The following LRP1B variants were observed in gnomAD, a reference collection of about 807,000 sequenced individuals.
LRP1B encodes LDL receptor related protein 1B.
In LRP1B, 217 loss-of-function variants were observed where a neutral mutation model predicts 556.6. The ratio of observed to expected loss-of-function variants is 0.39; its 90% CI spans 0.35 to 0.44. LRP1B has a LOEUF of 0.44. Among genes scored for constraint, LRP1B ranks in the 20% least tolerant of loss-of-function variants. The probability of loss-of-function intolerance (pLI) is 1.00; values close to 1 mark genes in which losing one functional copy is unlikely to be tolerated. For synonymous variants in LRP1B, 2,047 were observed against 1,865.8 expected (o/e 1.10, Z -2.50); for missense variants, 5,053 against 5,620.8 (o/e 0.90, Z 3.23).
intron 1 of LRP1B, among the ~76,000 whole-genome samples, chr2:142,013,747 T>A (rs1703030265): frequency 6.6e-6 from 1 of 152,070 alleles, no homozygotes; most frequent in South Asian, 2.1e-4. Context: ...TTTAAAAAAG[T>A]AGGAATATTT....
At chr2:141,037,596 C>T (rs184406565) in intron 11 of LRP1B, among the ~76,000 whole-genome samples, 67 of 152,126 alleles carry the variant, frequency 4.4e-4, no homozygotes, top group African/African-American at 1.6e-3. Context: ...TATGGCTGCA[C>T]TCCCAGAGTA....
rs71408466 is a variant in LRP1B, at chr2:140,661,504, T to TAA, written c.6799+38744_6799+38745dup. ...ATGAGACCCCATCTCTACAAATAAT[T>TAA]AAAAAAAAAAAAAAAAACGCAGTGT... On this transcript the variant is annotated intron_variant, in intron 41 of 90. Transcript: ENST00000389484. 9.6e-3 allele frequency among the ~76,000 whole-genome samples: 1,180 copies of TAA among 122,588 alleles called. 35 individuals carry two copies. The highest frequency in any genetic ancestry group is 0.058 in the Admixed American group (709 of 12,190). 80.4% of individuals were successfully genotyped at this position (122,588 alleles called of 152,430 possible).
At chr2:141,869,091 A>G (rs1234097659) in intron 1 of LRP1B, among the ~76,000 whole-genome samples, 2 of 152,126 alleles carry the variant, frequency 1.3e-5, no homozygotes, top group African/African-American at 4.8e-5. Context: ...GAAAAAAATC[A>G]TTCAGTGTTT....
intron 11 of LRP1B, among the ~76,000 whole-genome samples, chr2:141,024,134 G>A (rs1698147919): frequency 6.6e-6 from 1 of 151,950 alleles, no homozygotes; most frequent in Non-Finnish European, 1.5e-5. Context: ...TGACATGAGG[G>A]AATGACATTG....
chr2:140,888,934 G>C (rs1217138860), intron 23 of LRP1B, among the ~76,000 whole-genome samples: 1 of 140,944 alleles, frequency 7.1e-6, no homozygotes. Context: ...CTGCACTCCA[G>C]CCTGCGCAAT....
chr2:141,136,630 CAAAA>C (rs66495348), intron 7 of LRP1B, among the ~76,000 whole-genome samples: 9 of 129,302 alleles, frequency 7.0e-5, no homozygotes, highest in Non-Finnish European at 1.0e-4. Flanking sequence ...AAGTGATGAG[CAAAA>C]AAAAAAAAAA....
chr2:141,675,209 T>G (rs1382014135), intron 2 of LRP1B, among the ~76,000 whole-genome samples: 2 of 151,962 alleles, frequency 1.3e-5, no homozygotes, highest in Non-Finnish European at 2.9e-5. Context: ...AATTTTTGTT[T>G]TATTATATTT....
chr2:140,559,693 G>T (rs1326565136), intron 43 of LRP1B, among the ~76,000 whole-genome samples: 1 of 150,282 alleles, frequency 6.7e-6, no homozygotes, highest in Non-Finnish European at 1.5e-5. Flanking sequence ...AATAAAAATA[G>T]TTTTAGATTA....
intron 31 of LRP1B, among the ~76,000 whole-genome samples, chr2:140,832,022 T>C (rs1265062658): frequency 2.0e-5 from 3 of 152,084 alleles, no homozygotes; most frequent in African/African-American, 7.2e-5. Context: ...GAAGTAACAG[T>C]AGCTAGTGAG....
intron 59 of LRP1B, among the ~76,000 whole-genome samples, chr2:140,482,077 T>C (rs912761907): frequency 2.6e-5 from 4 of 152,168 alleles, no homozygotes; most frequent in Non-Finnish European, 5.9e-5. Context: ...AGTTATTGTA[T>C]TGAATTGTGA....
intron 3 of LRP1B, among the ~76,000 whole-genome samples, chr2:141,414,141 G>A (rs1443060650): frequency 6.6e-6 from 1 of 151,488 alleles, no homozygotes; most frequent in East Asian, 1.9e-4. Context: ...GGAGACTGAG[G>A]CAGGAGAATG....
At chr2:140,754,541 G>A (rs1202665202) in intron 35 of LRP1B, among the ~76,000 whole-genome samples, 1 of 152,048 alleles carries the variant, frequency 6.6e-6, no homozygotes. Context: ...ATTCATAAAT[G>A]TGGTGGAAAT....
At chr2:141,068,584 A>T (rs1699548581) in intron 7 of LRP1B, among the ~76,000 whole-genome samples, 1 of 149,948 alleles carries the variant, frequency 6.7e-6, no homozygotes, top group Non-Finnish European at 1.5e-5. Context: ...AAAAGGAAAG[A>T]TGGTGTTGCC....
intron 60 of LRP1B, among the ~76,000 whole-genome samples, chr2:140,467,592 G>C (rs888819565): frequency 1.4e-5 from 2 of 140,398 alleles, no homozygotes; most frequent in Admixed American, 7.6e-5. Flanking sequence ...CTGCCTGGGG[G>C]ACAGAGGGAA....
At chr2:140,287,590 A>G (rs1683197836) in intron 84 of LRP1B, among the ~76,000 whole-genome samples, 2 of 151,298 alleles carry the variant, frequency 1.3e-5, no homozygotes, top group Non-Finnish European at 3.0e-5. Flanking sequence ...TGAAATTTAG[A>G]TCATATTATT....
intron 35 of LRP1B, among the ~76,000 whole-genome samples, chr2:140,739,077 T>C (rs1688046943): frequency 6.6e-6 from 1 of 152,190 alleles, no homozygotes; most frequent in Non-Finnish European, 1.5e-5. Context: ...CCTGCTTCCA[T>C]AACTACTTTA....
At chr2:140,793,284 C>G (rs962186964) in intron 32 of LRP1B, among the ~76,000 whole-genome samples, 38 of 151,712 alleles carry the variant, frequency 2.5e-4, no homozygotes, top group African/African-American at 8.7e-4. Flanking sequence ...TTTGATTAAT[C>G]TAAATCCTTT....
intron 2 of LRP1B, among the ~76,000 whole-genome samples, chr2:141,644,930 AC>A (rs1427322524): frequency 3.9e-5 from 6 of 152,128 alleles, no homozygotes; most frequent in Non-Finnish European, 1.5e-5. Context: ...AAAGTGCAGA[AC>A]CTTGGCTGGA....
chr2:140,631,747 C>T (rs1443648889), intron 41 of LRP1B, among the ~76,000 whole-genome samples: 2 of 151,990 alleles, frequency 1.3e-5, no homozygotes, highest in East Asian at 1.9e-4. Context: ...GAAATAATGG[C>T]TATTTTCCAA....
Sources: gnomAD v4.1 joint callset for allele counts (sites outside exome capture counted in the v4.1 genomes callset) on GRCh38, gnomAD v4.1.1 for gene constraint, MANE v1.5 for transcripts, NCBI Gene and HGNC (gene_info 2026-07-23, HGNC 2026-07-21) for gene names.